IMPG1: variants seen among roughly 807,000 people sequenced by gnomAD.
IMPG1 encodes interphotoreceptor matrix proteoglycan of 150 kDa.
IMPG1 carries 85 observed loss-of-function variants against 92.0 expected under a neutral mutation model. That is an observed-to-expected ratio of 0.92 (90% CI 0.78 to 1.11). The LOEUF is 1.11. IMPG1 is among the 50% of genes least tolerant of loss of function. IMPG1 has a pLI of 0.00. For missense variants in IMPG1, 1,022 were observed against 956.0 expected (o/e 1.07, Z -0.91); for synonymous variants, 367 against 334.1 (o/e 1.10, Z -1.08).
chr6:76,015,800 C>CAAAAAAAAAAAAAAAAAAAAAAAGAAAAA (rs1783275792), intron 7 of IMPG1, among the ~76,000 whole-genome samples: 1 of 66,744 alleles, frequency 1.5e-5, no homozygotes, highest in Non-Finnish European at 2.7e-5. Flanking sequence ...AACTCTGTCT[C>CAAAAAAAAAAAAAAAAAAAAAAAGAAAAA]AAAAAAAAAA....
At chr6:76,032,846 G>A (rs570735763) in intron 4 of IMPG1, among the ~76,000 whole-genome samples, 13 of 152,228 alleles carry the variant, frequency 8.5e-5, no homozygotes, top group Non-Finnish European at 1.5e-4. Flanking sequence ...GAAGAGGCAT[G>A]GTGGCAGCCG....
chr6:75,957,705 T>A (rs1439458026), intron 12 of IMPG1, among the ~76,000 whole-genome samples: 1 of 152,240 alleles, frequency 6.6e-6, no homozygotes, highest in Non-Finnish European at 1.5e-5. Flanking sequence ...AAGTCTGTTT[T>A]ATCAGAGACT....
chr6:76,040,007 C>G (rs138123714), intron 2 of IMPG1, among the ~76,000 whole-genome samples: 261 of 152,306 alleles, frequency 1.7e-3, no homozygotes, highest in African/African-American at 5.6e-3. Flanking sequence ...GCAACAAGAA[C>G]AGTAAGTGGG....
chr6:76,027,593 G>T (rs1783571097), intron 4 of IMPG1, among the ~76,000 whole-genome samples: 1 of 152,194 alleles, frequency 6.6e-6, no homozygotes, highest in Non-Finnish European at 1.5e-5. Flanking sequence ...AAAGCTGAAG[G>T]TTCAAAGAAG....
chr6:75,946,774 C>CT (rs980542669), intron 14 of IMPG1, among the ~76,000 whole-genome samples: 6 of 151,218 alleles, frequency 4.0e-5, no homozygotes, highest in Non-Finnish European at 5.9e-5. Flanking sequence ...TTATTTTCTT[C>CT]TTTTTTTTTG....
chr6:76,062,054 G>A (rs941187026), intron 1 of IMPG1, among the ~76,000 whole-genome samples: 1 of 152,088 alleles, frequency 6.6e-6, no homozygotes, highest in Non-Finnish European at 1.5e-5. Flanking sequence ...TCTGTATCTA[G>A]CACAGTATTG....
At chr6:75,967,305 C>T (rs1269951408) in intron 12 of IMPG1, among the ~76,000 whole-genome samples, 1 of 152,052 alleles carries the variant, frequency 6.6e-6, no homozygotes, top group Non-Finnish European at 1.5e-5. Flanking sequence ...ATGTTGAAAT[C>T]CTAACCCCCA....
Position 76,032,348 on chromosome 6 carries a change from A to G in IMPG1, c.497+1967T>C, listed in dbSNP as rs555236562. Among the ~76,000 whole-genome samples the G allele has an allele frequency of 2.6e-5, 4 of 152,150 alleles. No homozygotes were observed. The East Asian group carries it at 5.8e-4, about 22-fold the overall frequency. On this transcript the variant is annotated intron_variant, in intron 4 of 16. Coordinates refer to ENST00000369950, the MANE Select transcript of IMPG1 (RefSeq NM_001563.4). ...GGAAGAATCAGTAAAGTATTATCCT[A>G]TATTTAAATGAGAAGAATCAATATG...
At chr6:75,965,219 T>C (rs1174501483) in intron 12 of IMPG1, among the ~76,000 whole-genome samples, 1 of 152,194 alleles carries the variant, frequency 6.6e-6, no homozygotes, top group Admixed American at 6.5e-5. Context: ...TGCTCAAGAA[T>C]GAAATAGCTT....
In IMPG1 at chr6:75,977,756, G is replaced by C. The variant is rs1248219569; in HGVS notation, c.1291+25162C>G. On this transcript the variant is annotated intron_variant, in intron 12 of 16. Transcript: ENST00000369950. ...ATTTTCTCAGAGTGGTTTATGGATG[G>C]GCAGACTTGGAGAGTCTTTTCTAAG... Among the ~76,000 whole-genome samples, 3 of 150,818 alleles carry C rather than the reference G, an allele frequency of 2.0e-5. 1 individual carries two copies. The highest frequency in any genetic ancestry group is 4.5e-5 in the Non-Finnish European group (3 of 67,054).
chr6:76,050,540 G>T (rs1012089744), intron 1 of IMPG1, among the ~76,000 whole-genome samples: 5 of 152,184 alleles, frequency 3.3e-5, no homozygotes, highest in African/African-American at 1.2e-4. Context: ...GTTGAAGGCT[G>T]ATGGCCATGT....
intron 14 of IMPG1, among the ~76,000 whole-genome samples, chr6:75,933,039 A>C (rs1291603275): frequency 6.6e-6 from 1 of 152,148 alleles, no homozygotes; most frequent in African/African-American, 2.4e-5. Context: ...GCACATGTAC[A>C]AGACAAATTA....
At position 75,950,502 on chromosome 6, in the gene IMPG1, A is replaced by G. The variant is rs1782004088; in HGVS notation, c.1824+60T>C. 7.9e-6 allele frequency: 11 copies of G among 1,389,686 alleles called. No individual in the cohort carries two copies. The South Asian group carries it at 1.5e-4, about 19-fold the overall frequency. 86.1% of individuals were successfully genotyped at this position (1,389,686 alleles called of 1,614,324 possible). ...TCAAGACAGCCAATAATTATATTAT[A>G]AAATAACAACAAAGAAAGAAGAGAC... is the stretch of plus-strand genomic sequence containing the variant. On this transcript the variant is annotated intron_variant, in intron 13 of 16. Coordinates refer to ENST00000369950, the MANE Select transcript of IMPG1 (RefSeq NM_001563.4).
intron 1 of IMPG1, among the ~76,000 whole-genome samples, chr6:76,063,099 G>T (rs1292556026): frequency 6.6e-6 from 1 of 152,072 alleles, no homozygotes; most frequent in Non-Finnish European, 1.5e-5. Flanking sequence ...AGCTACTTGG[G>T]AGGCTGAGGC....
chr6:76,065,367 A>G (rs1001624760), intron 1 of IMPG1, among the ~76,000 whole-genome samples: 4 of 152,106 alleles, frequency 2.6e-5, no homozygotes, highest in Non-Finnish European at 5.9e-5. Context: ...GAAATTTACT[A>G]AAGAGATAAA....
chr6:75,999,619 C>T lies in IMPG1; in HGVS notation c.1291+3299G>A, dbSNP rs567904995. Among the ~76,000 whole-genome samples the T allele has an allele frequency of 1.4e-4, 22 of 152,160 alleles. No homozygotes were observed. In the South Asian group the frequency reaches 2.1e-3, roughly 14 times the overall value. ...TCCATGTATAACTGTCTTTTTATCA[C>T]GAATGTTTCCCAGTTAGGGTTTCCA... On this transcript the variant is annotated intron_variant, in intron 12 of 16. Coordinates refer to ENST00000369950, the MANE Select transcript of IMPG1 (RefSeq NM_001563.4).
chr6:75,961,761 G>C (rs1299396167), intron 12 of IMPG1, among the ~76,000 whole-genome samples: 1 of 152,202 alleles, frequency 6.6e-6, no homozygotes, highest in East Asian at 1.9e-4. Flanking sequence ...GTCATGCTCA[G>C]GGAGCAGCTA....
At chr6:76,049,122 A>G (rs75005819) in intron 1 of IMPG1, among the ~76,000 whole-genome samples, 2,178 of 152,330 alleles carry the variant, frequency 0.014, 27 homozygotes, top group Non-Finnish European at 0.02. Flanking sequence ...ACTACGTGTT[A>G]TAAGTGGAAA....
intron 7 of IMPG1, among the ~76,000 whole-genome samples, chr6:76,015,921 G>T (rs1217259673): frequency 6.6e-6 from 1 of 152,024 alleles, no homozygotes; most frequent in Non-Finnish European, 1.5e-5. Context: ...TGACATGGTG[G>T]TTAAGAGCAA....
Sources: allele counts gnomAD v4.1 joint callset (sites outside exome capture counted in the v4.1 genomes callset), GRCh38; gene constraint gnomAD v4.1.1; transcripts MANE v1.5; gene names NCBI Gene and HGNC (gene_info 2026-07-23, HGNC 2026-07-21).